Variants in SATB2 observed in about 807,000 individuals in gnomAD.
SATB2 encodes the protein DNA-binding protein SATB2.
A neutral mutation model predicts 73.4 loss-of-function variants in SATB2; 1 was observed. That is an observed-to-expected ratio of 0.01 (90% confidence interval 0.00 to 0.06). SATB2 has a LOEUF of 0.06. SATB2 is among the 10% of genes least tolerant of loss of function. SATB2 has a pLI of 1.00. For missense variants in SATB2, 459 were observed against 945.8 expected, an observed-to-expected ratio of 0.49 and a Z score of 6.75; for synonymous variants, 397 against 367.0, an observed-to-expected ratio of 1.08 and a Z score of -0.93.
Position 199,272,669 on chromosome 2 carries a change from G to C in SATB2, c.1744C>G (p.Leu582Val). ...VQLPPEPVQV[L>V]HRQQSQPAKE... ...GCTGGCTGAGACTGCTGTCTATGAA[G>C]TACCTGATAATTAAGAGAGAAAAAA... The change falls in exon 11 of 11, where the codon CTT (leucine) becomes GTT (valine). Residue 582 changes from leucine (L) to valine (V), a missense_variant. Around this residue, in one of 13 missense-constraint regions of SATB2, gnomAD observed 74 missense variants for 136.1 expected, o/e 0.54. Coordinates refer to ENST00000417098, the MANE Select transcript of SATB2 (RefSeq NM_001172509.2). The surrounding 1 kb of genome is among the most constrained non-coding windows in gnomAD (Gnocchi z 6.7). The C allele has an allele frequency of 6.2e-7, 1 of 1,613,570 alleles. No individual in the cohort carries two copies. Among genetic ancestry groups the C allele is most frequent in the Non-Finnish European group, 8.5e-7 (1 of 1,179,572 alleles).
At chr2:199,415,166 C>A (rs1690938688) in intron 3 of SATB2, among the ~76,000 whole-genome samples, 1 of 152,220 alleles carries the variant, frequency 6.6e-6, no homozygotes, top group Non-Finnish European at 1.5e-5. Context: ...AACGCTCTAT[C>A]CTTCACAGTA....
intron 3 of SATB2, among the ~76,000 whole-genome samples, chr2:199,423,384 G>A (rs1334545984): frequency 1.3e-5 from 2 of 151,998 alleles, no homozygotes; most frequent in African/African-American, 2.4e-5. Context: ...CAGCCTCCAG[G>A]TGTGCTCTTT....
chr2:199,380,926 C>CA (rs955108857), intron 4 of SATB2, among the ~76,000 whole-genome samples: 1 of 151,930 alleles, frequency 6.6e-6, no homozygotes, highest in African/African-American at 2.4e-5. Context: ...CTCTCTGAAC[C>CA]AAAAAATGAC....
intron 9 of SATB2, among the ~76,000 whole-genome samples, chr2:199,310,394 A>C (rs1010774020): frequency 6.6e-6 from 1 of 152,164 alleles, no homozygotes; most frequent in Non-Finnish European, 1.5e-5. Flanking sequence ...TCTTTTTCCA[A>C]GTATTTTCAT....
chr2:199,379,827 C>T (rs1324786228), intron 5 of SATB2, among the ~76,000 whole-genome samples: 2 of 150,518 alleles, frequency 1.3e-5, no homozygotes, highest in African/African-American at 2.4e-5. Flanking sequence ...CATGCCTGGC[C>T]CGTATACGTA....
rs772214182 is a variant in SATB2, at chr2:199,380,346, C to T, written c.597+18G>A. ...ATGGCTTCTTCTGTTTCCCAGACCC[C>T]CACCTGAAGATACTGACCTGGGAGA... On this transcript the variant is annotated intron_variant, in intron 5 of 10. Coordinates refer to ENST00000417098, the MANE Select transcript of SATB2 (RefSeq NM_001172509.2). 5 of 1,613,872 alleles carry T rather than the reference C, an allele frequency of 3.1e-6. No individual in the cohort carries two copies. The Admixed American group carries it at 5.0e-5, about 16-fold the overall frequency.
At chr2:199,421,246 T>A (rs1284631352) in intron 3 of SATB2, among the ~76,000 whole-genome samples, 1 of 152,098 alleles carries the variant, frequency 6.6e-6, no homozygotes, top group Non-Finnish European at 1.5e-5. Flanking sequence ...CTGGGTCACG[T>A]TAGAATTATA....
chr2:199,385,801 G>A (rs1689913883), intron 3 of SATB2, among the ~76,000 whole-genome samples: 1 of 152,168 alleles, frequency 6.6e-6, no homozygotes, highest in South Asian at 2.1e-4. Context: ...ATAGGTCAAA[G>A]GTTAGGAGTA....
At chr2:199,364,393 A>G (rs1209910424) in intron 6 of SATB2, among the ~76,000 whole-genome samples, 2 of 152,202 alleles carry the variant, frequency 1.3e-5, no homozygotes, top group Non-Finnish European at 2.9e-5. Flanking sequence ...TAGATCAGAC[A>G]GGGTCAGATA....
intron 4 of SATB2, 122 bp downstream of exon 4, chr2:199,381,572 T>G: frequency 7.2e-7 from 1 of 1,384,994 alleles, no homozygotes; most frequent in Non-Finnish European, 1.0e-6. Context: ...CTCTCTCTCC[T>G]TCTTTTCATT....
chr2:199,311,006 T>C (rs1293736142), intron 9 of SATB2, among the ~76,000 whole-genome samples: 1 of 152,268 alleles, frequency 6.6e-6, no homozygotes, highest in African/African-American at 2.4e-5. Context: ...GGCCTCATTA[T>C]GGACTGTGTG....
chr2:199,327,198 G>T (rs1249425122), intron 8 of SATB2, among the ~76,000 whole-genome samples: 1 of 152,146 alleles, frequency 6.6e-6, no homozygotes, highest in African/African-American at 2.4e-5. Context: ...CCAGCACTTT[G>T]CAAGGCCGAG....
In SATB2 at chr2:199,305,700, G is replaced by A. The variant is rs549838783; in HGVS notation, c.1740+3060C>T. On this transcript the variant is annotated intron_variant, in intron 10 of 10. Transcript: ENST00000417098. ...AAGCACCAAATGGAGAAGGAGTGAT[G>A]CAAAGCTCCCTCTTTTTATTCCAGT... Among the ~76,000 whole-genome samples, 18 of 152,210 alleles carry A rather than the reference G, an allele frequency of 1.2e-4. No individual in the cohort carries two copies. The South Asian group carries it at 3.7e-3, about 32-fold the overall frequency.
chr2:199,408,789 A>C (rs1411658076), intron 3 of SATB2, among the ~76,000 whole-genome samples: 2 of 152,102 alleles, frequency 1.3e-5, no homozygotes, highest in Non-Finnish European at 2.9e-5. Context: ...TTCCTTTATA[A>C]TCCCTAGAAA....
At chr2:199,311,349 GA>G (rs1386506402) in intron 9 of SATB2, among the ~76,000 whole-genome samples, 1 of 152,092 alleles carries the variant, frequency 6.6e-6, no homozygotes, top group Non-Finnish European at 1.5e-5. Context: ...TTAAGGGATG[GA>G]GCCTTCAACA....
At chr2:199,309,378 T>C (rs1687531038) in intron 9 of SATB2, among the ~76,000 whole-genome samples, 1 of 152,216 alleles carries the variant, frequency 6.6e-6, no homozygotes, top group African/African-American at 2.4e-5. Flanking sequence ...AAAGAAAAAT[T>C]GTCTAGGTGT....
chr2:199,449,522 G>C (rs959748496), intron 2 of SATB2, among the ~76,000 whole-genome samples: 1 of 152,130 alleles, frequency 6.6e-6, no homozygotes, highest in Non-Finnish European at 1.5e-5. Context: ...CATAAAAGAA[G>C]AAAAATAATG....
At chr2:199,387,855 G>T (rs2105877068) in intron 3 of SATB2, among the ~76,000 whole-genome samples, 1 of 152,254 alleles carries the variant, frequency 6.6e-6, no homozygotes, top group East Asian at 1.9e-4. Flanking sequence ...AAATTAAAAA[G>T]ATGCAATAAT....
intron 10 of SATB2, among the ~76,000 whole-genome samples, chr2:199,281,446 G>C (rs1173312776): frequency 6.7e-6 from 1 of 148,812 alleles, no homozygotes; most frequent in Non-Finnish European, 1.5e-5. Context: ...TACATTAATA[G>C]GAGATGAGAA....
Sources: allele counts gnomAD v4.1 joint callset (sites outside exome capture counted in the v4.1 genomes callset), GRCh38; gene constraint gnomAD v4.1.1; regional missense constraint gnomAD v4.1.1; non-coding constraint Gnocchi (gnomAD v3.1); transcripts MANE v1.5; gene names NCBI Gene and HGNC (gene_info 2026-07-23, HGNC 2026-07-21).